Variants in MINDY4 observed in about 807,000 individuals in gnomAD.
MINDY4 encodes MINDY lysine 48 deubiquitinase 4.
MINDY4 carries 68 observed loss-of-function variants against 87.0 expected under a neutral mutation model. The observed-to-expected ratio is 0.78, with a 90% CI of 0.64 to 0.96. The LOEUF (loss-of-function observed/expected upper bound fraction) is 0.96, where lower values mean the gene tolerates loss of function less well. MINDY4 is among the 40% of genes least tolerant of loss of function. The pLI, the probability that MINDY4 is intolerant of heterozygous loss-of-function variation, is 0.00. For missense variants in MINDY4, 919 were observed against 928.2 expected, an observed-to-expected ratio of 0.99 and a Z score of 0.13; for synonymous variants, 379 against 363.2, an observed-to-expected ratio of 1.04 and a Z score of -0.50.
At chr7:30,833,066 C>T (rs1788756034) in intron 6 of MINDY4, among the ~76,000 whole-genome samples, 1 of 152,164 alleles carries the variant, frequency 6.6e-6, no homozygotes, top group African/African-American at 2.4e-5. Flanking sequence ...CTCTACCCAG[C>T]ACCATGTTTT....
Position 30,771,516 on chromosome 7 carries a change from A to C in MINDY4, c.23A>C (p.Glu8Ala). Residue 8 changes from glutamate to alanine, a missense_variant, in exon 1 of 18, where the codon GAG becomes GCG. Transcript: ENST00000265299. ...GCCATGGACAGCCTCTTCGTGGAGG[A>C]GGTGGCCGCCTCCTTGGTCAGGGAG... MDSLFVEEVAASLVREFL... is the reference protein window; with the variant it reads MDSLFVEAVAASLVREFL... 7 of 1,605,654 alleles carry C rather than the reference A, an allele frequency of 4.4e-6. No homozygotes were observed. Among genetic ancestry groups the C allele is most frequent in the Non-Finnish European group, 5.9e-6 (7 of 1,177,186 alleles).
intron 1 of MINDY4, among the ~76,000 whole-genome samples, chr7:30,773,615 C>G (rs961281860): frequency 6.6e-6 from 1 of 152,152 alleles, no homozygotes; most frequent in African/African-American, 2.4e-5. Context: ...GACTCTTCTG[C>G]TGCCCCAGCT....
chr7:30,800,439 C>T (rs1584252571), intron 5 of MINDY4, among the ~76,000 whole-genome samples: 1 of 152,176 alleles, frequency 6.6e-6, no homozygotes, highest in Non-Finnish European at 1.5e-5. Context: ...GGCTGGGTCA[C>T]GTCCTTTTGT....
chr7:30,882,135 CT>C, intron 15 of MINDY4, 45 bp from the exon 16 acceptor site: 1 of 1,549,768 alleles, frequency 6.5e-7, no homozygotes, highest in East Asian at 2.3e-5. Flanking sequence ...GCCCGGACCC[CT>C]TTCCCTGGGG....
intron 5 of MINDY4, among the ~76,000 whole-genome samples, chr7:30,800,706 A>G (rs942158507): frequency 1.3e-5 from 2 of 152,206 alleles, no homozygotes; most frequent in Non-Finnish European, 2.9e-5. Flanking sequence ...TGGAGAAGGA[A>G]TGGCTGTACT....
intron 17 of MINDY4, among the ~76,000 whole-genome samples, chr7:30,884,436 A>G (rs1790569764): frequency 6.6e-6 from 1 of 152,140 alleles, no homozygotes; most frequent in Non-Finnish European, 1.5e-5. Context: ...ACAAAGGGCC[A>G]CTCATTCAAA....
chr7:30,885,706 A>ACCC (rs144436645), intron 17 of MINDY4, among the ~76,000 whole-genome samples: 44 of 124,042 alleles, frequency 3.5e-4, no homozygotes, highest in Non-Finnish European at 6.2e-4. Context: ...GGCAGTGCCC[A>ACCC]CCCCCCCCCC....
rs916745926 is a variant in MINDY4, at chr7:30,850,583, G to T, written c.1547+28G>T. On this transcript the variant is annotated intron_variant, in intron 10 of 17. Coordinates refer to ENST00000265299, the MANE Select transcript of MINDY4 (RefSeq NM_032222.3). ...AAGTGGTTCCGAGGTCTGTGTTGCC[G>T]TGGCTCATCGTCTGCTGGCAGCTGC... The T allele has an allele frequency of 2.6e-6, 4 of 1,565,538 alleles. No individual in the cohort carries two copies. The African/African-American group carries it at 5.4e-5, about 21-fold the overall frequency.
At chr7:30,883,353 G>C (rs1055734435) in intron 17 of MINDY4, among the ~76,000 whole-genome samples, 5 of 152,218 alleles carry the variant, frequency 3.3e-5, no homozygotes, top group Non-Finnish European at 5.9e-5. Context: ...ACCTGAGGGT[G>C]GGGGAGGCTT....
chr7:30,790,448 A>G (rs1239189473), intron 4 of MINDY4, among the ~76,000 whole-genome samples: 1 of 131,646 alleles, frequency 7.6e-6, no homozygotes. Context: ...AGGTTTTGGG[A>G]TTTATTTATT....
chr7:30,846,048 C>T (rs1038256159), intron 9 of MINDY4, among the ~76,000 whole-genome samples: 7 of 152,250 alleles, frequency 4.6e-5, no homozygotes, highest in African/African-American at 1.7e-4. Flanking sequence ...ATCTGAGAGT[C>T]GGGGAATCCA....
At chr7:30,817,022 A>T (rs374713305) in intron 5 of MINDY4, among the ~76,000 whole-genome samples, 1 of 152,216 alleles carries the variant, frequency 6.6e-6, no homozygotes, top group African/African-American at 2.4e-5. Context: ...CCAACCCTTC[A>T]TGAGACCTCA....
At chr7:30,882,036 A>T in intron 15 of MINDY4, 145 bp from the exon 16 acceptor site, 1 of 814,958 alleles carries the variant, frequency 1.2e-6, no homozygotes, top group South Asian at 1.7e-5. Context: ...TGGCCTGAGC[A>T]GCGTGAGGGG....
intron 13 of MINDY4, among the ~76,000 whole-genome samples, chr7:30,860,681 T>C (rs1022925495): frequency 6.6e-6 from 1 of 152,108 alleles, no homozygotes; most frequent in Non-Finnish European, 1.5e-5. Flanking sequence ...GTGTCAGTTC[T>C]GGTGGTCACT....
At chr7:30,785,016 C>T (rs1451076843) in intron 3 of MINDY4, among the ~76,000 whole-genome samples, 3 of 151,756 alleles carry the variant, frequency 2.0e-5, no homozygotes, top group African/African-American at 4.8e-5. Context: ...CACTTTGTCT[C>T]GTGGGCTCTC....
intron 12 of MINDY4, among the ~76,000 whole-genome samples, chr7:30,855,753 AG>A (rs1789549929): frequency 6.6e-6 from 1 of 152,190 alleles, no homozygotes; most frequent in Non-Finnish European, 1.5e-5. Context: ...TTCCAGGGCG[AG>A]GGGGCCTCCT....
intron 15 of MINDY4, among the ~76,000 whole-genome samples, chr7:30,877,891 G>C (rs1790323365): frequency 7.7e-6 from 1 of 129,976 alleles, no homozygotes; most frequent in South Asian, 2.5e-4. Flanking sequence ...TATTGGCCAG[G>C]CTGGTCTTGA....
chr7:30,783,808 G>A (rs904397042), intron 3 of MINDY4, among the ~76,000 whole-genome samples: 2 of 152,034 alleles, frequency 1.3e-5, no homozygotes, highest in East Asian at 3.8e-4. Flanking sequence ...TTTGATTTTC[G>A]TAAAAACAGG....
intron 5 of MINDY4, among the ~76,000 whole-genome samples, chr7:30,814,837 A>G (rs750634745): frequency 2.0e-5 from 3 of 152,214 alleles, no homozygotes; most frequent in African/African-American, 4.8e-5. Context: ...TCAAATGGCT[A>G]TGAGGTCAAC....
Sources: allele counts gnomAD v4.1 joint callset (sites outside exome capture counted in the v4.1 genomes callset), GRCh38; gene constraint gnomAD v4.1.1; transcripts MANE v1.5; gene names NCBI Gene and HGNC (gene_info 2026-07-23, HGNC 2026-07-21).